ZBTB20: variants seen among roughly 807,000 people sequenced by gnomAD.
The protein encoded by ZBTB20 is zinc finger and BTB domain-containing protein 20.
ZBTB20 carries 9 observed loss-of-function variants against 56.9 expected under a neutral mutation model. The ratio of observed to expected loss-of-function variants is 0.16; its 90% CI spans 0.10 to 0.28. The LOEUF is 0.28. ZBTB20 is among the 10% of genes least tolerant of loss of function. The pLI, the probability that ZBTB20 is intolerant of heterozygous loss-of-function variation, is 1.00. For synonymous variants in ZBTB20, 417 were observed against 420.7 expected, an observed-to-expected ratio of 0.99 and a Z score of 0.11; for missense variants, 655 against 1,003.0, an observed-to-expected ratio of 0.65 and a Z score of 4.69.
At chr3:114,855,493 GA>G (rs1215334431) in intron 4 of ZBTB20, among the ~76,000 whole-genome samples, 2 of 152,154 alleles carry the variant, frequency 1.3e-5, no homozygotes, top group African/African-American at 4.8e-5. Context: ...AGGTATTATG[GA>G]GATGGTTCTC....
At chr3:115,053,839 G>T (rs951666481) in intron 2 of ZBTB20, among the ~76,000 whole-genome samples, 1 of 152,012 alleles carries the variant, frequency 6.6e-6, no homozygotes, top group Non-Finnish European at 1.5e-5. Flanking sequence ...GAGGAAAAAG[G>T]ATGAAAACAA....
At chr3:114,624,503 AAGG>A (rs2058536791) in intron 6 of ZBTB20, among the ~76,000 whole-genome samples, 1 of 152,214 alleles carries the variant, frequency 6.6e-6, no homozygotes, top group Admixed American at 6.5e-5. Context: ...TCAAAAAGGA[AAGG>A]AGAACAAAAC....
At chr3:115,116,295 C>A (rs1190125452) in intron 1 of ZBTB20, among the ~76,000 whole-genome samples, 1 of 152,018 alleles carries the variant, frequency 6.6e-6, no homozygotes, top group East Asian at 1.9e-4. Flanking sequence ...CTGCTGGTAA[C>A]TTTAACTTCT....
At chr3:115,128,898 G>C (rs2084420066) in intron 1 of ZBTB20, among the ~76,000 whole-genome samples, 1 of 152,100 alleles carries the variant, frequency 6.6e-6, no homozygotes, top group African/African-American at 2.4e-5. Context: ...AGGAGATCGA[G>C]ACCATCCTGG....
chr3:114,451,584 A>G (rs2091609034), intron 7 of ZBTB20, among the ~76,000 whole-genome samples: 1 of 152,146 alleles, frequency 6.6e-6, no homozygotes, highest in Non-Finnish European at 1.5e-5. Context: ...GCACACACAT[A>G]TGCATGTGCG....
chr3:115,038,885 T>G (rs1273022070), intron 2 of ZBTB20, among the ~76,000 whole-genome samples: 1 of 152,160 alleles, frequency 6.6e-6, no homozygotes. Context: ...TTTTAGCCAT[T>G]GCATTATATC....
intron 1 of ZBTB20, among the ~76,000 whole-genome samples, chr3:115,139,142 T>C (rs1354713380): frequency 6.6e-6 from 1 of 151,988 alleles, no homozygotes; most frequent in African/African-American, 2.4e-5. Context: ...GGCTACGAGG[T>C]GATTTATAAA....
chr3:115,142,458 C>G (rs941897670), intron 1 of ZBTB20, among the ~76,000 whole-genome samples: 1 of 152,076 alleles, frequency 6.6e-6, no homozygotes, highest in Non-Finnish European at 1.5e-5. Flanking sequence ...GTCAGGAGAT[C>G]AAGACCATCG....
At chr3:114,795,620 ACT>A (rs1225929155) in intron 5 of ZBTB20, among the ~76,000 whole-genome samples, 1 of 152,004 alleles carries the variant, frequency 6.6e-6, no homozygotes, top group African/African-American at 2.4e-5. Flanking sequence ...ATCAAAGGAC[ACT>A]CTCTCTGAGA....
At chr3:115,131,615 T>C (rs544253160) in intron 1 of ZBTB20, among the ~76,000 whole-genome samples, 2 of 152,340 alleles carry the variant, frequency 1.3e-5, no homozygotes, top group East Asian at 3.9e-4. Context: ...CCTATATTTC[T>C]ATGGAATATA....
intron 5 of ZBTB20, among the ~76,000 whole-genome samples, chr3:114,697,601 C>T (rs545941936): frequency 6.6e-6 from 1 of 151,736 alleles, no homozygotes; most frequent in African/African-American, 2.4e-5. Flanking sequence ...AATGTAAAGG[C>T]TGTGTGTGCT....
intron 6 of ZBTB20, among the ~76,000 whole-genome samples, chr3:114,605,484 C>T (rs2057073807): frequency 6.6e-6 from 1 of 152,146 alleles, no homozygotes; most frequent in African/African-American, 2.4e-5. Context: ...AGTATTCATT[C>T]AATCATTCAT....
At chr3:114,858,021 C>T (rs1417024447) in intron 4 of ZBTB20, among the ~76,000 whole-genome samples, 2 of 152,140 alleles carry the variant, frequency 1.3e-5, no homozygotes, top group East Asian at 3.8e-4. Flanking sequence ...ACTTTTCAGG[C>T]ATACAATGTT....
At chr3:114,437,768 A>G (rs1208745508) in intron 7 of ZBTB20, among the ~76,000 whole-genome samples, 1 of 151,940 alleles carries the variant, frequency 6.6e-6, no homozygotes, top group Non-Finnish European at 1.5e-5. Flanking sequence ...GTGCTTGAAA[A>G]CAGGTTTAGG....
intron 4 of ZBTB20, among the ~76,000 whole-genome samples, chr3:114,892,728 C>T (rs2107636327): frequency 6.6e-6 from 1 of 152,282 alleles, no homozygotes; most frequent in African/African-American, 2.4e-5. Context: ...GATTCAATTA[C>T]ATCTGCCTGA....
At position 114,888,277 on chromosome 3, in the gene ZBTB20, G is replaced by A. The variant is rs2076678882; in HGVS notation, c.-417+12027C>T. ...CTACAAAAAAAAAATTTAAACATCT[G>A]CTGAGCATGGTGGTGCACACCTGTA... On this transcript the variant is annotated intron_variant, in intron 4 of 11. Transcript: ENST00000675478. 2.0e-5 allele frequency among the ~76,000 whole-genome samples: 3 copies of A among 151,864 alleles called. No homozygotes were observed. The South Asian group carries it at 6.3e-4, about 32-fold the overall frequency.
intron 4 of ZBTB20, among the ~76,000 whole-genome samples, chr3:114,871,721 C>A (rs1400327321): frequency 6.6e-6 from 1 of 152,116 alleles, no homozygotes; most frequent in East Asian, 1.9e-4. Context: ...CTGACATGAT[C>A]TCTCATTGTC....
chr3:114,987,097 T>C (rs2078578903), intron 2 of ZBTB20, among the ~76,000 whole-genome samples: 1 of 152,156 alleles, frequency 6.6e-6, no homozygotes, highest in Admixed American at 6.6e-5. Context: ...CAGCATGTCA[T>C]ACAACCATGA....
At chr3:114,469,131 C>G (rs2092661176) in intron 7 of ZBTB20, among the ~76,000 whole-genome samples, 1 of 150,296 alleles carries the variant, frequency 6.7e-6, no homozygotes, top group Admixed American at 6.7e-5. Flanking sequence ...TTAAAAAATT[C>G]TATCTGCTAG....
Sources: gnomAD v4.1 joint callset for allele counts (sites outside exome capture counted in the v4.1 genomes callset) on GRCh38, gnomAD v4.1.1 for gene constraint, MANE v1.5 for transcripts, NCBI Gene and HGNC (gene_info 2026-07-23, HGNC 2026-07-21) for gene names.